RPL35: variants seen among roughly 807,000 people sequenced by gnomAD.
RPL35 encodes the protein large ribosomal subunit protein uL29.
Under a neutral mutation model 15.6 loss-of-function variants are expected in RPL35, and 2 were observed. The observed-to-expected ratio is 0.13, with a 90% CI of 0.05 to 0.40. RPL35 has a LOEUF of 0.40. Ranked by LOEUF, RPL35 falls within the 10% of genes least tolerant of loss-of-function variation. RPL35 has a pLI of 0.99. For missense variants in RPL35, 111 were observed against 164.7 expected (o/e 0.67, Z 1.79); for synonymous variants, 93 against 67.9 (o/e 1.37, Z -1.82).
chr9:124,859,949 G>A (rs757917756), intron 3 of RPL35, among the ~76,000 whole-genome samples: 1 of 152,202 alleles, frequency 6.6e-6, no homozygotes. Flanking sequence ...TGAGTCTCCA[G>A]CCAGGACACC....
rs200283947 is a variant in RPL35 at position 124,861,938 on chromosome 9, G to A, written c.-26C>T. The A allele has an allele frequency of 3.4e-4, 537 of 1,598,074 alleles. 3 individuals carry two copies. In the East Asian group the frequency reaches 7.0e-3, roughly 21 times the overall value. ...TGCTGCACAAGCCGCCAACGCCGCC[G>A]CCCGCTCCGAGGGAAAGAGGAAGTA... On this transcript the variant is annotated 5_prime_UTR_variant, in exon 1 of 4. Coordinates refer to ENST00000348462, the MANE Select transcript of RPL35 (RefSeq NM_007209.4).
intron 3 of RPL35, 124 bp downstream of exon 3, chr9:124,860,059 A>T: frequency 1.4e-6 from 1 of 724,856 alleles, no homozygotes; most frequent in Non-Finnish European, 2.5e-6. Flanking sequence ...CCCAGCAACA[A>T]ATTGGGAAGG....
intron 3 of RPL35, chr9:124,858,272 T>C: frequency 1.6e-6 from 1 of 620,252 alleles, no homozygotes; most frequent in Non-Finnish European, 2.9e-6. Context: ...GTAAGTCTGC[T>C]GACCTACTGG....
In RPL35 at chr9:124,857,951, C is replaced by T. The variant is rs753300579; in HGVS notation, c.339G>A (p.Leu113=). 2.5e-6 allele frequency: 4 copies of T among 1,612,278 alleles called. No individual in the cohort carries two copies. The highest frequency in any genetic ancestry group is 3.4e-6 in the Non-Finnish European group (4 of 1,180,046). The change falls in exon 4 of 4, where the codon CTG becomes CTA. Residue 113 remains leucine (L), a synonymous_variant. Coordinates refer to ENST00000348462, the MANE Select transcript of RPL35 (RefSeq NM_007209.4). The part of the protein sequence containing the change: ...KTKKQQRKER[L]YPLRKYAVKA ...TGACCGCGTACTTCCGCAGCGGGTA[C>T]AGCCGCTCCTTCCGCTGCTGCTTCT...
chr9:124,860,279 T>C lies in RPL35; in HGVS notation c.141-15A>G, dbSNP rs1829176605. Reference sequence around the variant, plus strand: ...GGACGACTCGGCTACAAAACAGAGATGTCAGTGAAGATAGGGAAGACACAT... The same window carrying C: ...GGACGACTCGGCTACAAAACAGAGACGTCAGTGAAGATAGGGAAGACACAT... On this transcript the variant is annotated splice_polypyrimidine_tract_variant and intron_variant, in intron 2 of 3. Coordinates refer to ENST00000348462, the MANE Select transcript of RPL35 (RefSeq NM_007209.4). 1 of 1,607,936 alleles carries C rather than the reference T, an allele frequency of 6.2e-7. No individual in the cohort carries two copies. The highest frequency in any genetic ancestry group is 1.7e-5 in the Admixed American group (1 of 59,982).
At chr9:124,858,196 CCA>C (rs1829137264) in intron 3 of RPL35, 129 bp from the exon 4 acceptor site, 10 of 696,018 alleles carry the variant, frequency 1.4e-5, no homozygotes, top group Middle Eastern at 3.8e-4. Flanking sequence ...TGCCAGCAGG[CCA>C]CACATGTCAC....
At chr9:124,861,139 G>GTCGCCGTATCA in intron 2 of RPL35, 1 of 416,180 alleles carries the variant, frequency 2.4e-6, no homozygotes, top group East Asian at 4.3e-5. Context: ...TGCCAAGGGG[G>GTCGCCGTATCA]TTAAAAACTC....
chr9:124,861,243 C>A, intron 2 of RPL35, 176 bp downstream of exon 2: 2 of 770,692 alleles, frequency 2.6e-6, no homozygotes, highest in Non-Finnish European at 4.2e-6. Flanking sequence ...GCACAAGGAC[C>A]GCAAGGTCAA....
rs543615031 is a variant in RPL35, at chr9:124,858,080, C to T, written c.223-13G>A. 86 of 1,610,822 alleles carry T rather than the reference C, an allele frequency of 5.3e-5. No homozygotes were observed. In the South Asian group the frequency reaches 5.8e-4, roughly 11 times the overall value. The stretch of plus-strand genomic sequence containing the variant: ...TGTACTTCTTGCCCTGGGAGACAGA[C>T]GGCAGGGTGAATCCAAGGACCCAGG... On this transcript the variant is annotated splice_polypyrimidine_tract_variant and intron_variant, in intron 3 of 3. Transcript: ENST00000348462.
rs775516666 is a variant in RPL35, at chr9:124,857,980, T to C, written c.310A>G (p.Thr104Ala). The change falls in exon 4 of 4, where the codon ACC becomes GCC. Residue 104 changes from threonine to alanine, a missense_variant. Physicochemically the swap from Thr to Ala is moderately conservative, Grantham distance 58. Transcript: ENST00000348462. ...RLNKHEENLK[T>A]KKQQRKERLY... is the part of the protein sequence containing the mutation. The stretch of plus-strand genomic sequence containing the variant: ...CGCTCCTTCCGCTGCTGCTTCTTGG[T>C]CTTCAGGTTCTCCTCGTGCTTGTTG... 4.3e-6 allele frequency: 7 copies of C among 1,612,152 alleles called. No individual in the cohort carries two copies. The highest frequency in any genetic ancestry group is 1.1e-5 in the South Asian group (1 of 91,004).
At chr9:124,860,472 G>C (rs1829179940) in intron 2 of RPL35, among the ~76,000 whole-genome samples, 1 of 152,154 alleles carries the variant, frequency 6.6e-6, no homozygotes, top group African/African-American at 2.4e-5. Context: ...AGTGCAGGCT[G>C]GATAAATGAG....
At position 124,861,956 on chromosome 9, in the gene RPL35, A is replaced by T; in HGVS notation, c.-44T>A. The T allele has an allele frequency of 6.3e-7, 1 of 1,591,510 alleles. No individual in the cohort carries two copies. The highest frequency in any genetic ancestry group is 8.5e-7 in the Non-Finnish European group (1 of 1,170,014). On this transcript the variant is annotated 5_prime_UTR_variant, in exon 1 of 4. Transcript: ENST00000348462. ...CGCCGCCGCCCGCTCCGAGGGAAAG[A>T]GGAAGTAGGCGGGGCTGACCTCCGC...
At chr9:124,861,314 G>T (rs888318660) in intron 2 of RPL35, 105 bp downstream of exon 2, 46 of 1,386,792 alleles carry the variant, frequency 3.3e-5, no homozygotes, top group Non-Finnish European at 4.5e-5. Flanking sequence ...CACGGAGTGG[G>T]CATCTAAGCG....
chr9:124,859,001 T>A lies in RPL35; in HGVS notation c.223-934A>T, dbSNP rs538813155. Among the ~76,000 whole-genome samples, 6 of 152,290 alleles carry A rather than the reference T, an allele frequency of 3.9e-5. No individual in the cohort carries two copies. In the East Asian group the frequency reaches 9.6e-4, roughly 24 times the overall value. On this transcript the variant is annotated intron_variant, in intron 3 of 3. Transcript: ENST00000348462. Reference sequence around the variant, plus strand: ...GAAAGTCTTTGTCCTCCCACATCCCTCACTCCTGCTGGCATCGGCTGGGCA... The same window carrying A: ...GAAAGTCTTTGTCCTCCCACATCCCACACTCCTGCTGGCATCGGCTGGGCA...
In RPL35 at chr9:124,860,242, C is replaced by A; in HGVS notation, c.163G>T (p.Ala55Ser). The A allele has an allele frequency of 6.2e-7, 1 of 1,614,090 alleles. No individual in the cohort carries two copies. The highest frequency in any genetic ancestry group is 8.5e-7 in the Non-Finnish European group (1 of 1,179,942). ...TGGTTAATAACTGTGAGAACACGGG[C>A]AATGGATTTCCGGACGACTCGGCTA... ...SKIRVVRKSIARVLTVINQTQ... is the reference protein window; with the variant it reads ...SKIRVVRKSISRVLTVINQTQ... The change falls in exon 3 of 4, where the codon GCC (alanine) becomes TCC (serine). Residue 55 changes from alanine (A) to serine (S), a missense_variant. Transcript: ENST00000348462.
chr9:124,860,783 C>T (rs1282335607), intron 2 of RPL35, among the ~76,000 whole-genome samples: 1 of 152,094 alleles, frequency 6.6e-6, no homozygotes, highest in Non-Finnish European at 1.5e-5. Context: ...TGCAACTGTG[C>T]TTGTCCAATC....
chr9:124,861,850 G>C (rs111327108), intron 1 of RPL35, 60 bp downstream of exon 1: 3 of 1,592,502 alleles, frequency 1.9e-6, no homozygotes, highest in Non-Finnish European at 2.6e-6. Context: ...AGCCCGCACC[G>C]CCTTCCCCAA....
intron 2 of RPL35, 84 bp downstream of exon 2, chr9:124,861,335 T>G (rs1015765665): frequency 1.0e-5 from 16 of 1,538,564 alleles, no homozygotes; most frequent in Admixed American, 3.8e-5. Flanking sequence ...GCCAGCTCCT[T>G]AAGCCAACTT....
chr9:124,861,623 C>G (rs1378250596), intron 1 of RPL35, 68 bp from the exon 2 acceptor site: 1 of 1,568,270 alleles, frequency 6.4e-7, no homozygotes, highest in African/African-American at 1.4e-5. Flanking sequence ...GCGTGGCCAG[C>G]CCCCAAAGGC....
Sources: gnomAD v4.1 joint callset for allele counts (sites outside exome capture counted in the v4.1 genomes callset) on GRCh38, gnomAD v4.1.1 for gene constraint, MANE v1.5 for transcripts, NCBI Gene and HGNC (gene_info 2026-07-23, HGNC 2026-07-21) for gene names.